The following SULT1E1 variants were observed in gnomAD, a reference collection of about 807,000 sequenced individuals.
The protein encoded by SULT1E1 is sulfotransferase family 1E member 1, also known as sulfotransferase 1E1.
Under a neutral mutation model 33.6 loss-of-function variants are expected in SULT1E1, and 36 were observed. The observed-to-expected ratio is 1.07, with a 90% CI of 0.82 to 1.41. The LOEUF is 1.41. Among genes scored for constraint, SULT1E1 ranks in the 40% most tolerant of loss-of-function variants. The probability of loss-of-function intolerance (pLI) is 0.00; values close to 1 mark genes in which losing one functional copy is unlikely to be tolerated. For missense variants in SULT1E1, 371 were observed against 345.7 expected (o/e 1.07, Z -0.58); for synonymous variants, 121 against 111.7 (o/e 1.08, Z -0.53).
chr4:69,822,534 T>G, the SULT1E1 span, among the ~76,000 whole-genome samples: 1 of 152,166 alleles, frequency 6.6e-6, no homozygotes, highest in African/African-American at 2.4e-5. Flanking sequence ...GAAGATCATT[T>G]GAGCGTAGAA....
chr4:69,823,673 T>G, the SULT1E1 span, among the ~76,000 whole-genome samples: 5 of 152,170 alleles, frequency 3.3e-5, no homozygotes, highest in Non-Finnish European at 7.4e-5. Flanking sequence ...TCTTTGTAAA[T>G]AGCCCCATGA....
chr4:69,846,378 G>C (rs1398176070), intron 6 of SULT1E1, among the ~76,000 whole-genome samples: 2 of 148,898 alleles, frequency 1.3e-5, no homozygotes, highest in Non-Finnish European at 3.0e-5. Flanking sequence ...CTACTTTATA[G>C]GTTTCAAACT....
At chr4:69,826,032 A>T in the SULT1E1 span, among the ~76,000 whole-genome samples, 5 of 152,184 alleles carry the variant, frequency 3.3e-5, no homozygotes, top group African/African-American at 1.2e-4. Context: ...AGGGGGTATT[A>T]TCTGGAATTT....
At chr4:69,834,801 A>C in the SULT1E1 span, among the ~76,000 whole-genome samples, 1 of 152,106 alleles carries the variant, frequency 6.6e-6, no homozygotes, top group Non-Finnish European at 1.5e-5. Context: ...AGGATCATAA[A>C]ATTTACGTAA....
intron 5 of SULT1E1, among the ~76,000 whole-genome samples, chr4:69,848,520 T>A (rs1449615219): frequency 6.6e-6 from 1 of 151,920 alleles, no homozygotes; most frequent in African/African-American, 2.4e-5. Flanking sequence ...TTAGGGAATT[T>A]TTCCTTACAG....
chr4:69,840,487 CAAT>C (rs1015755389), downstream of SULT1E1, among the ~76,000 whole-genome samples: 13 of 152,154 alleles, frequency 8.5e-5, no homozygotes, highest in South Asian at 4.1e-4. Flanking sequence ...AAATAAAAAA[CAAT>C]AAAAAATTTT....
chr4:69,828,546 C>T, the SULT1E1 span, among the ~76,000 whole-genome samples: 1 of 152,164 alleles, frequency 6.6e-6, no homozygotes, highest in East Asian at 1.9e-4. Context: ...TCTGAAGGAA[C>T]AAACTCTGGA....
intron 4 of SULT1E1, among the ~76,000 whole-genome samples, chr4:69,852,424 T>C (rs1451938900): frequency 6.6e-6 from 1 of 152,148 alleles, no homozygotes; most frequent in East Asian, 1.9e-4. Context: ...ACCATAAAGG[T>C]TTCACTTTTG....
At chr4:69,854,080 G>T (rs548955572) in intron 4 of SULT1E1, 137 bp downstream of exon 4, 20 of 524,168 alleles carry the variant, frequency 3.8e-5, no homozygotes, top group African/African-American at 3.3e-4. Flanking sequence ...TGACAATATT[G>T]ACTGTATTTA....
intron 1 of SULT1E1, among the ~76,000 whole-genome samples, chr4:69,858,460 C>A (rs570487367): frequency 6.6e-6 from 1 of 152,110 alleles, no homozygotes; most frequent in African/African-American, 2.4e-5. Context: ...CTTTCAAATT[C>A]CTTTAGTATC....
At chr4:69,857,465 T>G (rs768015733) in intron 2 of SULT1E1, 35 bp downstream of exon 2, 2 of 1,576,172 alleles carry the variant, frequency 1.3e-6, no homozygotes, top group South Asian at 1.2e-5. Flanking sequence ...GTGTTTGTTA[T>G]TTTTAGGTGA....
chr4:69,825,708 C>A, the SULT1E1 span, among the ~76,000 whole-genome samples: 1 of 152,084 alleles, frequency 6.6e-6, no homozygotes, highest in African/African-American at 2.4e-5. Context: ...GCTCCGGGGT[C>A]CCGACAACAA....
At chr4:69,825,208 G>T in the SULT1E1 span, among the ~76,000 whole-genome samples, 2 of 152,120 alleles carry the variant, frequency 1.3e-5, no homozygotes, top group Non-Finnish European at 2.9e-5. Flanking sequence ...TCACTGCGCA[G>T]GTCTCTGGCT....
At chr4:69,842,948 T>C (rs1720908851) in intron 7 of SULT1E1, among the ~76,000 whole-genome samples, 1 of 151,948 alleles carries the variant, frequency 6.6e-6, no homozygotes. Flanking sequence ...ACCATTCTCC[T>C]GCCTCAGCCT....
At chr4:69,830,925 T>C in the SULT1E1 span, among the ~76,000 whole-genome samples, 2 of 152,222 alleles carry the variant, frequency 1.3e-5, no homozygotes, top group Admixed American at 1.3e-4. Context: ...CCCCTGGATG[T>C]GGCCATGCTC....
rs372988191 is a variant in SULT1E1 at position 69,851,924 on chromosome 4, T to C, written c.369+2293A>G. Among the ~76,000 whole-genome samples the C allele has an allele frequency of 3.4e-4, 51 of 151,634 alleles. 1 individual carries two copies. The South Asian group carries it at 1.0e-2, about 30-fold the overall frequency. On this transcript the variant is annotated intron_variant, in intron 4 of 7. Coordinates refer to ENST00000226444, the MANE Select transcript of SULT1E1 (RefSeq NM_005420.3). ...TCACTCATAGGTGGGAAGTGAACAA[T>C]GAGAACACCTGGACACAAGAAGGGG...
the SULT1E1 span, among the ~76,000 whole-genome samples, chr4:69,835,363 A>G: frequency 1.3e-5 from 2 of 152,214 alleles, no homozygotes; most frequent in Admixed American, 1.3e-4. Context: ...TGCGTGTCTT[A>G]CTGTCTTTGC....
chr4:69,852,929 T>A (rs958443446), intron 4 of SULT1E1, among the ~76,000 whole-genome samples: 1 of 152,130 alleles, frequency 6.6e-6, no homozygotes, highest in Non-Finnish European at 1.5e-5. Context: ...AAAATAATAA[T>A]GACACATCTC....
Position 69,841,868 on chromosome 4 carries a change from A to C in SULT1E1, c.*126T>G, listed in dbSNP as rs1720892538. The stretch of plus-strand genomic sequence containing the variant: ...AAAAAAAAAAAAAAAGTTAAACAAA[A>C]ATTTAAAAAGAAAATGTCAACATAA... On this transcript the variant is annotated 3_prime_UTR_variant, in exon 8 of 8. Transcript: ENST00000226444. 1 of 599,220 alleles carries C rather than the reference A, an allele frequency of 1.7e-6. No homozygotes were observed. Among genetic ancestry groups the C allele is most frequent in the Admixed American group, 3.7e-5 (1 of 26,822 alleles). The allele number at this position is 599,220 out of a possible 1,614,324, so 37.1% of individuals were successfully genotyped here. A position where few individuals can be genotyped will look rare whatever the true frequency, so the allele number is the denominator to read the frequency against.
Sources: allele counts gnomAD v4.1 joint callset (sites outside exome capture counted in the v4.1 genomes callset), GRCh38; gene constraint gnomAD v4.1.1; transcripts MANE v1.5; gene names NCBI Gene and HGNC (gene_info 2026-07-23, HGNC 2026-07-21).